Variants in LEPR observed in about 807,000 individuals in gnomAD.
LEPR encodes leptin receptor, also known as OB receptor.
In LEPR, 56 loss-of-function variants were observed where a neutral mutation model predicts 114.7. The observed-to-expected ratio is 0.49, with a 90% CI of 0.39 to 0.61. The LOEUF is 0.61. Among genes scored for constraint, LEPR ranks in the 20% least tolerant of loss-of-function variants. LEPR has a pLI of 0.00. For synonymous variants in LEPR, 443 were observed against 461.4 expected (o/e 0.96, Z 0.51); for missense variants, 1,202 against 1,352.9 (o/e 0.89, Z 1.75).
At chr1:65,618,854 A>G (rs981592432) in intron 16 of LEPR, among the ~76,000 whole-genome samples, 1 of 152,248 alleles carries the variant, frequency 6.6e-6, no homozygotes, top group East Asian at 1.9e-4. Context: ...ATTTTTTAAC[A>G]GCTTCTGATA....
chr1:65,617,205 C>T (rs958656671), intron 15 of LEPR, among the ~76,000 whole-genome samples: 1 of 151,924 alleles, frequency 6.6e-6, no homozygotes, highest in East Asian at 1.9e-4. Flanking sequence ...AATAATCATA[C>T]AAGTGAATGT....
chr1:65,547,019 G>A (rs969356615), intron 2 of LEPR, among the ~76,000 whole-genome samples: 1 of 152,064 alleles, frequency 6.6e-6, no homozygotes, highest in Non-Finnish European at 1.5e-5. Context: ...AGCATGAAGG[G>A]TTGTTGAATT....
intron 2 of LEPR, among the ~76,000 whole-genome samples, chr1:65,452,117 T>C (rs1646794432): frequency 6.6e-6 from 1 of 151,968 alleles, no homozygotes; most frequent in African/African-American, 2.4e-5. Flanking sequence ...GTGATTTTTG[T>C]ACATTGATTT....
intron 2 of LEPR, among the ~76,000 whole-genome samples, chr1:65,531,442 C>T (rs1039963463): frequency 2.5e-4 from 38 of 150,654 alleles, no homozygotes; most frequent in African/African-American, 8.8e-4. Context: ...TTCCTTTCCT[C>T]TCTTCTCCTC....
intron 2 of LEPR, chr1:65,494,073 G>A (rs906373144): frequency 1.3e-5 from 2 of 152,128 alleles, no homozygotes; most frequent in African/African-American, 4.8e-5. Flanking sequence ...AGGTGGGACA[G>A]TGCTGCTTTA....
At chr1:65,450,669 T>A (rs1164739506) in intron 2 of LEPR, among the ~76,000 whole-genome samples, 2 of 129,090 alleles carry the variant, frequency 1.5e-5, no homozygotes, top group African/African-American at 6.0e-5. Context: ...CTTAATCCAG[T>A]CTATCATTGT....
chr1:65,462,759 G>A (rs912582957), intron 2 of LEPR, among the ~76,000 whole-genome samples: 2 of 152,190 alleles, frequency 1.3e-5, no homozygotes, highest in Non-Finnish European at 1.5e-5. Flanking sequence ...GTGATGATGA[G>A]CATTTTTTCA....
intron 2 of LEPR, among the ~76,000 whole-genome samples, chr1:65,431,147 C>T (rs1014565093): frequency 2.0e-5 from 3 of 152,178 alleles, no homozygotes; most frequent in African/African-American, 7.2e-5. Context: ...ATTGTCATGA[C>T]TTTATTTTTC....
chr1:65,421,197 T>G (rs1646242622), intron 1 of LEPR: 1 of 891,258 alleles, frequency 1.1e-6, no homozygotes, highest in Non-Finnish European at 1.6e-6. Context: ...TTTTTCCAAC[T>G]GGGCAGAGTT....
chr1:65,605,209 A>G lies in LEPR; in HGVS notation c.1575A>G (p.Pro525=), dbSNP rs1183194739. ...ACTCTCTAGGTTCACTTGACTCTCC[A>G]CCAACATGTGTCCTTCCTGATTCTG... ...INHSLGSLDS[P]PTCVLPDSVV... Residue 525 remains proline (P), a synonymous_variant, in exon 11 of 20, where the codon CCA becomes CCG. Transcript: ENST00000349533. 1 of 1,613,938 alleles carries G rather than the reference A, an allele frequency of 6.2e-7. No homozygotes were observed. Among genetic ancestry groups the G allele is most frequent in the Non-Finnish European group, 8.5e-7 (1 of 1,180,018 alleles).
At chr1:65,613,271 C>T (rs1657292593) in intron 14 of LEPR, among the ~76,000 whole-genome samples, 1 of 152,076 alleles carries the variant, frequency 6.6e-6, no homozygotes, top group African/African-American at 2.4e-5. Flanking sequence ...TGACATGCCC[C>T]CGTCATTGTG....
Position 65,601,526 on chromosome 1 carries a change from C to T in LEPR, c.1129C>T (p.Pro377Ser), listed in dbSNP as rs764146523. 6.2e-7 allele frequency: 1 copy of T among 1,613,746 alleles called. No individual in the cohort carries two copies. Among genetic ancestry groups the T allele is most frequent in the East Asian group, 2.2e-5 (1 of 44,844 alleles). ...GTGGATGAATTTAGCTGAGAAAATT[C>T]CTCAAAGCCAGTATGATGTTGTGAG... ...VWWMNLAEKI[P>S]QSQYDVVSDH... Residue 377 changes from proline (P) to serine (S), a missense_variant, in exon 9 of 20, where the codon CCT (proline) becomes TCT (serine). Coordinates refer to ENST00000349533, the MANE Select transcript of LEPR (RefSeq NM_002303.6).
rs777413375 is a variant in LEPR, at chr1:65,610,152, T to C, written c.1912+46T>C. Reference sequence around the variant, plus strand: ...TGTGTTTTGAAAGTGCATAAGTGTGTGCTTCAAATATGGCTGAAAAGTATT... The same window carrying C: ...TGTGTTTTGAAAGTGCATAAGTGTGCGCTTCAAATATGGCTGAAAAGTATT... On this transcript the variant is annotated intron_variant, in intron 13 of 19. Coordinates refer to ENST00000349533, the MANE Select transcript of LEPR (RefSeq NM_002303.6). The C allele has an allele frequency of 7.4e-6, 12 of 1,614,028 alleles. No homozygotes were observed. In the Admixed American group the frequency reaches 2.0e-4, roughly 27 times the overall value.
chr1:65,636,516 A>C lies in LEPR; in HGVS notation c.2999A>C (p.Glu1000Ala). 3 of 1,614,140 alleles carry C rather than the reference A, an allele frequency of 1.9e-6. No homozygotes were observed. The highest frequency in any genetic ancestry group is 2.5e-6 in the Non-Finnish European group (3 of 1,180,014). ...AACTCTAAACCAAGTGAAACTGGTG[A>C]AGAACAAGGGCTTATAAATAGTTCA... is the stretch of plus-strand genomic sequence containing the variant. ...ISNSKPSETG[E>A]EQGLINSSVT... Residue 1000 changes from glutamate to alanine, a missense_variant, in exon 20 of 20, where the codon GAA becomes GCA. Transcript: ENST00000349533.
chr1:65,632,978 G>A (rs1231559376), intron 19 of LEPR, among the ~76,000 whole-genome samples: 1 of 152,062 alleles, frequency 6.6e-6, no homozygotes, highest in African/African-American at 2.4e-5. Context: ...AATGGGAGAA[G>A]CCACCTTAGT....
intron 2 of LEPR, among the ~76,000 whole-genome samples, chr1:65,428,919 TATA>T (rs1646431249): frequency 6.6e-6 from 1 of 152,152 alleles, no homozygotes. Flanking sequence ...TGTGAGCTCT[TATA>T]ATGAAGATCA....
Position 65,598,800 on chromosome 1 carries a change from A to G in LEPR, c.990A>G (p.Thr330=), listed in dbSNP as rs1656250473. The change falls in exon 8 of 20, where the codon ACA becomes ACG. Residue 330 remains threonine, a synonymous_variant. Coordinates refer to ENST00000349533, the MANE Select transcript of LEPR (RefSeq NM_002303.6). ...SDWSTPRVFT[T]QDVIYFPPKI... ...GGAGTACTCCTCGTGTCTTTACCAC[A>G]CAAGGTAGGTTATGTAATAGCCACT... 6.2e-7 allele frequency: 1 copy of G among 1,613,254 alleles called. No individual in the cohort carries two copies. Among genetic ancestry groups the G allele is most frequent in the Non-Finnish European group, 8.5e-7 (1 of 1,179,402 alleles).
rs1646692567 is a variant in LEPR, at chr1:65,444,724, T to C, written c.-21+19346T>C. On this transcript the variant is annotated intron_variant, in intron 2 of 19. Transcript: ENST00000349533. ...TTTATTTAAATGAGAAAAGTGGCAC[T>C]GAGTTAAAAATTATTAAATATTTTG... Among the ~76,000 whole-genome samples the C allele has an allele frequency of 5.3e-5, 8 of 152,330 alleles. No individual in the cohort carries two copies. The South Asian group carries it at 1.7e-3, about 32-fold the overall frequency.
chr1:65,484,629 G>A (rs1050851493), intron 2 of LEPR, among the ~76,000 whole-genome samples: 1 of 152,164 alleles, frequency 6.6e-6, no homozygotes, highest in Non-Finnish European at 1.5e-5. Flanking sequence ...TCTGGGTGAG[G>A]CATAGTGCCA....
Sources: gnomAD v4.1 joint callset for allele counts (sites outside exome capture counted in the v4.1 genomes callset) on GRCh38, gnomAD v4.1.1 for gene constraint, MANE v1.5 for transcripts, NCBI Gene and HGNC (gene_info 2026-07-23, HGNC 2026-07-21) for gene names.